The following TMC1 variants were observed in gnomAD, a reference collection of about 807,000 sequenced individuals.
The protein encoded by TMC1 is transmembrane channel-like protein 1.
In TMC1, 84 loss-of-function variants were observed where a neutral mutation model predicts 105.8. That is an observed-to-expected ratio of 0.79 (90% CI 0.67 to 0.95). The LOEUF is 0.95. Ranked by LOEUF, TMC1 falls within the 40% of genes least tolerant of loss-of-function variation. The pLI is 0.00. For missense variants in TMC1, 817 were observed against 914.1 expected, an observed-to-expected ratio of 0.89 and a Z score of 1.37; for synonymous variants, 315 against 311.5, an observed-to-expected ratio of 1.01 and a Z score of -0.12.
At chr9:72,830,704 G>C in intron 23 of TMC1, 22 bp downstream of exon 23, 1 of 1,513,714 alleles carries the variant, frequency 6.6e-7, no homozygotes, top group Non-Finnish European at 9.0e-7. Context: ...GTTTATGTTT[G>C]TAATGTTTGT....
intron 13 of TMC1, among the ~76,000 whole-genome samples, chr9:72,786,143 TC>T (rs1485965604): frequency 1.3e-5 from 2 of 152,102 alleles, no homozygotes; most frequent in African/African-American, 4.8e-5. Context: ...GTCAAGAAAT[TC>T]AGTATAAAAA....
intron 18 of TMC1, among the ~76,000 whole-genome samples, chr9:72,806,352 G>C (rs1828585167): frequency 7.0e-6 from 1 of 143,058 alleles, no homozygotes; most frequent in Non-Finnish European, 1.5e-5. Context: ...GTGGGGGGCT[G>C]ACCCCCCCAC....
intron 13 of TMC1, among the ~76,000 whole-genome samples, chr9:72,784,698 G>A (rs116988142): frequency 0.021 from 3,264 of 152,210 alleles, 53 homozygotes; most frequent in Non-Finnish European, 0.029. Flanking sequence ...CTAGATGTCC[G>A]TCAACAGTGT....
At chr9:72,812,279 G>A (rs991370245) in intron 18 of TMC1, among the ~76,000 whole-genome samples, 12 of 152,176 alleles carry the variant, frequency 7.9e-5, no homozygotes, top group African/African-American at 2.9e-4. Context: ...AGCTGGGAAC[G>A]TGGAGATATT....
chr9:72,608,117 T>G (rs557057364), intron 2 of TMC1, among the ~76,000 whole-genome samples: 2 of 152,328 alleles, frequency 1.3e-5, no homozygotes, highest in African/African-American at 2.4e-5. Flanking sequence ...GTATTTCAGA[T>G]CTGCTTTTTT....
At chr9:72,546,120 TAA>T (rs560076398) in intron 1 of TMC1, among the ~76,000 whole-genome samples, 18 of 134,832 alleles carry the variant, frequency 1.3e-4, no homozygotes, top group Non-Finnish European at 9.6e-5. Flanking sequence ...CCAGCTCTAC[TAA>T]AAAAAAAAAA....
intron 5 of TMC1, among the ~76,000 whole-genome samples, chr9:72,680,320 A>G (rs972358038): frequency 6.6e-6 from 1 of 152,090 alleles, no homozygotes; most frequent in African/African-American, 2.4e-5. Context: ...GTCTTCCTGA[A>G]TATTGCAAGT....
chr9:72,655,774 G>T, intron 5 of TMC1: 1 of 557,202 alleles, frequency 1.8e-6, no homozygotes, highest in Non-Finnish European at 3.2e-6. Context: ...GATTACTGAT[G>T]CTTGTTTCAT....
At chr9:72,702,142 A>G (rs1295384952) in intron 8 of TMC1, among the ~76,000 whole-genome samples, 2 of 152,188 alleles carry the variant, frequency 1.3e-5, no homozygotes, top group Non-Finnish European at 2.9e-5. Context: ...AATATTAATG[A>G]CCCATAAAGT....
rs113949345 is a variant in TMC1, at chr9:72,805,362, T to C, written c.1567-20T>C. The C allele has an allele frequency of 1.8e-5, 29 of 1,612,790 alleles. No homozygotes were observed. The Middle Eastern group carries it at 5.0e-4, about 28-fold the overall frequency. On this transcript the variant is annotated intron_variant, in intron 17 of 23. Transcript: ENST00000297784. ...TTGAAGACAGAACTGTGTGTTTTAA[T>C]AGAGATAATATCTCAACAGGAGTTT...
intron 23 of TMC1, 54 bp downstream of exon 23, chr9:72,830,736 TTC>T: frequency 3.4e-6 from 5 of 1,475,960 alleles, no homozygotes; most frequent in East Asian, 4.7e-5. Context: ...TTCTTTTTCT[TTC>T]TTTTTTTTTT....
At chr9:72,730,153 CTAGGTCA>C (rs1827186137) in intron 8 of TMC1, among the ~76,000 whole-genome samples, 2 of 152,160 alleles carry the variant, frequency 1.3e-5, no homozygotes, top group Non-Finnish European at 1.5e-5. Context: ...TTGACCAAGA[CTAGGTCA>C]TAGAATTTCT....
chr9:72,560,930 G>C (rs1164994571), intron 1 of TMC1, among the ~76,000 whole-genome samples: 1 of 152,122 alleles, frequency 6.6e-6, no homozygotes, highest in East Asian at 1.9e-4. Context: ...CTATTAGCTA[G>C]AGATACTTAG....
intron 12 of TMC1, among the ~76,000 whole-genome samples, chr9:72,767,983 C>A (rs1308030821): frequency 6.6e-6 from 1 of 152,126 alleles, no homozygotes; most frequent in Non-Finnish European, 1.5e-5. Context: ...GTATTTAAAG[C>A]CATCCCTCAA....
intron 21 of TMC1, among the ~76,000 whole-genome samples, chr9:72,827,371 G>C (rs938634130): frequency 6.6e-6 from 1 of 152,214 alleles, no homozygotes; most frequent in African/African-American, 2.4e-5. Context: ...AGATGGCAAT[G>C]AATATACAGA....
intron 12 of TMC1, among the ~76,000 whole-genome samples, chr9:72,762,125 G>A (rs555730424): frequency 5.8e-4 from 89 of 152,290 alleles, no homozygotes; most frequent in Middle Eastern, 3.4e-3. Flanking sequence ...GATTTAGGAA[G>A]AGTCTCAGAT....
At chr9:72,730,423 G>A (rs372559924) in intron 8 of TMC1, among the ~76,000 whole-genome samples, 2 of 152,272 alleles carry the variant, frequency 1.3e-5, no homozygotes, top group East Asian at 3.9e-4. Flanking sequence ...TGCTCGGCAT[G>A]CCAAAGCAGC....
chr9:72,773,124 T>C (rs976918042), intron 13 of TMC1, among the ~76,000 whole-genome samples: 2 of 152,158 alleles, frequency 1.3e-5, no homozygotes, highest in Non-Finnish European at 2.9e-5. Context: ...ACTGGAGAAC[T>C]GATATTACTG....
intron 5 of TMC1, among the ~76,000 whole-genome samples, chr9:72,685,236 A>G (rs1028580946): frequency 2.0e-5 from 3 of 150,526 alleles, no homozygotes; most frequent in African/African-American, 7.3e-5. Flanking sequence ...CCTCCCGAGT[A>G]GCTGGGACTA....
Sources: gnomAD v4.1 joint callset for allele counts (sites outside exome capture counted in the v4.1 genomes callset) on GRCh38, gnomAD v4.1.1 for gene constraint, MANE v1.5 for transcripts, NCBI Gene and HGNC (gene_info 2026-07-23, HGNC 2026-07-21) for gene names.